RBFOX1: variants seen among roughly 807,000 people sequenced by gnomAD.
RBFOX1 encodes the protein RNA binding fox-1 homolog 1, also known as RNA binding protein fox-1 homolog 1.
RBFOX1 carries 8 observed loss-of-function variants against 57.7 expected under a neutral mutation model. The observed-to-expected ratio is 0.14, with a 90% CI of 0.08 to 0.25. The LOEUF is 0.25. RBFOX1 is among the 10% of genes least tolerant of loss of function. RBFOX1 has a pLI of 1.00. For missense variants in RBFOX1, 611 were observed against 548.5 expected (o/e 1.11, Z -1.14); for synonymous variants, 326 against 222.4 (o/e 1.47, Z -4.15).
At chr16:6,093,788 A>AT (rs1173141515) in intron 1 of RBFOX1, among the ~76,000 whole-genome samples, 4,887 of 143,430 alleles carry the variant, frequency 0.034, 251 homozygotes, top group African/African-American at 0.11. Context: ...TGCCCCACTC[A>AT]TTTTTTTTTT....
At chr16:5,741,294 C>A (rs558297329) in intron 3 of RBFOX1, among the ~76,000 whole-genome samples, 16 of 152,280 alleles carry the variant, frequency 1.1e-4, no homozygotes, top group Non-Finnish European at 2.2e-4. Context: ...GCCGCAAGCC[C>A]ATCAATCCTG....
intron 11 of RBFOX1, among the ~76,000 whole-genome samples, chr16:7,640,416 C>T (rs2062578658): frequency 6.6e-6 from 1 of 152,186 alleles, no homozygotes; most frequent in African/African-American, 2.4e-5. Flanking sequence ...CTGCAAAAGG[C>T]CGCCAGTTGC....
At chr16:6,931,313 C>T (rs1231864947) in intron 3 of RBFOX1, among the ~76,000 whole-genome samples, 2 of 127,966 alleles carry the variant, frequency 1.6e-5, no homozygotes, top group Non-Finnish European at 3.2e-5. Flanking sequence ...ATCTATCTAT[C>T]TATCTATCTA....
intron 1 of RBFOX1, among the ~76,000 whole-genome samples, chr16:5,466,513 C>T (rs1159772900): frequency 6.6e-6 from 1 of 152,152 alleles, no homozygotes. Flanking sequence ...TGAGGTCTTC[C>T]TCAAGGCAGC....
intron 1 of RBFOX1, among the ~76,000 whole-genome samples, chr16:5,438,398 G>C (rs1430045182): frequency 2.0e-5 from 3 of 152,186 alleles, no homozygotes; most frequent in Non-Finnish European, 4.4e-5. Context: ...GGCACTGTTA[G>C]AGACACTGGA....
intron 4 of RBFOX1, among the ~76,000 whole-genome samples, 154 bp from the exon 5 acceptor site, chr16:7,517,993 G>C (rs1455234450): frequency 2.0e-5 from 3 of 152,070 alleles, no homozygotes; most frequent in Non-Finnish European, 2.9e-5. Flanking sequence ...GTCTGGTGAA[G>C]ATGACCTGAG....
chr16:7,564,972 C>T (rs1160710313), intron 5 of RBFOX1, among the ~76,000 whole-genome samples: 2 of 152,124 alleles, frequency 1.3e-5, no homozygotes, highest in African/African-American at 4.8e-5. Flanking sequence ...GTGGAATCAG[C>T]CCAGCCAGGC....
chr16:5,566,717 T>C (rs2046086589), intron 2 of RBFOX1, among the ~76,000 whole-genome samples: 1 of 152,002 alleles, frequency 6.6e-6, no homozygotes, highest in Non-Finnish European at 1.5e-5. Flanking sequence ...TATATCCTAA[T>C]ATGGACAAAC....
chr16:5,523,424 G>A (rs947697837), intron 2 of RBFOX1, among the ~76,000 whole-genome samples: 1 of 151,990 alleles, frequency 6.6e-6, no homozygotes, highest in African/African-American at 2.4e-5. Context: ...GGACCAGCCT[G>A]AACAAGATGG....
intron 4 of RBFOX1, among the ~76,000 whole-genome samples, chr16:7,097,607 G>A (rs1008354512): frequency 1.3e-5 from 2 of 152,152 alleles, no homozygotes; most frequent in African/African-American, 2.4e-5. Context: ...ATTAGATGCT[G>A]TTGCCACTCA....
intron 3 of RBFOX1, among the ~76,000 whole-genome samples, chr16:5,819,335 C>T (rs914943347): frequency 6.6e-6 from 1 of 152,184 alleles, no homozygotes; most frequent in Admixed American, 6.5e-5. Flanking sequence ...ACCTGACCAC[C>T]TCCCAAGGGG....
intron 3 of RBFOX1, among the ~76,000 whole-genome samples, chr16:6,721,125 G>A (rs949293085): frequency 6.6e-6 from 1 of 150,772 alleles, no homozygotes; most frequent in Admixed American, 6.7e-5. Context: ...AAATGTAATT[G>A]TGGTAAAGTA....
intron 1 of RBFOX1, among the ~76,000 whole-genome samples, chr16:5,313,439 G>C (rs889439975): frequency 6.6e-6 from 1 of 152,202 alleles, no homozygotes; most frequent in African/African-American, 2.4e-5. Context: ...GTCCTTTCCT[G>C]TAGAACAAAC....
At chr16:6,031,223 C>T (rs1444380162) in intron 1 of RBFOX1, among the ~76,000 whole-genome samples, 2 of 151,964 alleles carry the variant, frequency 1.3e-5, no homozygotes, top group Non-Finnish European at 2.9e-5. Context: ...GAGAGGAGAC[C>T]ATGGTGAGCA....
chr16:6,746,810 G>A (rs1420770620), intron 3 of RBFOX1, among the ~76,000 whole-genome samples: 1 of 152,102 alleles, frequency 6.6e-6, no homozygotes. Flanking sequence ...AAGTTTGCTA[G>A]TGATCCCAAG....
chr16:7,700,316 A>C lies in RBFOX1; in HGVS notation c.996-8740A>C, dbSNP rs573001360. Among the ~76,000 whole-genome samples, 31 of 152,226 alleles carry C rather than the reference A, an allele frequency of 2.0e-4. No individual in the cohort carries two copies. The South Asian group carries it at 4.1e-3, about 20-fold the overall frequency. ...ATAACCCTCCTCTCACCCTCACTGT[A>C]GCCTTGTACGATGAGGATGCACCAT... On this transcript the variant is annotated intron_variant, in intron 14 of 15. Transcript: ENST00000550418.
intron 3 of RBFOX1, among the ~76,000 whole-genome samples, chr16:5,851,256 G>C (rs1391722234): frequency 2.0e-5 from 3 of 152,178 alleles, no homozygotes; most frequent in Non-Finnish European, 4.4e-5. Context: ...ATTCAGCTTG[G>C]TGTTACTGAT....
intron 2 of RBFOX1, among the ~76,000 whole-genome samples, chr16:6,396,096 A>G (rs188835688): frequency 6.6e-5 from 10 of 151,380 alleles, no homozygotes; most frequent in African/African-American, 2.4e-4. Flanking sequence ...AAGGACAACT[A>G]ACACCTTTAC....
At chr16:7,689,910 A>T (rs2076954911) in intron 14 of RBFOX1, among the ~76,000 whole-genome samples, 1 of 152,062 alleles carries the variant, frequency 6.6e-6, no homozygotes, top group African/African-American at 2.4e-5. Context: ...TTTCTTGGAT[A>T]CTGTATCAGG....
Sources: gnomAD v4.1 joint callset for allele counts (sites outside exome capture counted in the v4.1 genomes callset) on GRCh38, gnomAD v4.1.1 for gene constraint, MANE v1.5 for transcripts, NCBI Gene and HGNC (gene_info 2026-07-23, HGNC 2026-07-21) for gene names.